MPP4: variants seen among roughly 807,000 people sequenced by gnomAD.
The protein encoded by MPP4 is MAGUK p55 subfamily member 4.
A neutral mutation model predicts 98.3 loss-of-function variants in MPP4; 91 were observed. The observed-to-expected ratio is 0.93, with a 90% CI of 0.78 to 1.10. MPP4 has a LOEUF of 1.10. MPP4 is among the 50% of genes least tolerant of loss of function. MPP4 has a pLI of 0.00. For synonymous variants in MPP4, 261 were observed against 271.8 expected, an observed-to-expected ratio of 0.96 and a Z score of 0.39; for missense variants, 744 against 792.9, an observed-to-expected ratio of 0.94 and a Z score of 0.74.
In MPP4 at chr2:201,685,085, C is replaced by T. The variant is rs904142488; in HGVS notation, c.553G>A (p.Gly185Ser). 1.1e-5 allele frequency: 18 copies of T among 1,611,840 alleles called. No individual in the cohort carries two copies. In the Admixed American group the frequency reaches 1.5e-4, roughly 13 times the overall value. The stretch of plus-strand genomic sequence containing the variant: ...TTACCACTTCTCTCCGCCAGCCCAC[C>T]GTGGATGATCCTGGCCACCAAGATG... The part of the protein sequence containing the change: ...GDILVARIIH[G>S]GLAERSGLLY... Residue 185 changes from glycine (G) to serine (S), a missense_variant, in exon 7 of 22, where the codon GGT becomes AGT. Gly to Ser is a moderately conservative substitution (Grantham distance 56, BLOSUM62 0). Transcript: ENST00000409474.
At chr2:201,669,121 TGAGA>T (rs35543688) in intron 12 of MPP4, among the ~76,000 whole-genome samples, 1,712 of 100,744 alleles carry the variant, frequency 0.017, 42 homozygotes, top group East Asian at 0.14. Flanking sequence ...TGTGTGTGTG[TGAGA>T]GAGAGAGAGA....
At chr2:201,652,234 A>G (rs1005949904) in intron 18 of MPP4, among the ~76,000 whole-genome samples, 3 of 152,062 alleles carry the variant, frequency 2.0e-5, no homozygotes, top group African/African-American at 4.8e-5. Context: ...TGAGGTGGGC[A>G]GATCACTTGA....
chr2:201,675,757 A>G (rs867856658), intron 10 of MPP4, among the ~76,000 whole-genome samples: 1 of 152,058 alleles, frequency 6.6e-6, no homozygotes, highest in Middle Eastern at 3.4e-3. Flanking sequence ...GGCACCTGAA[A>G]CCTCTGTTGA....
chr2:201,669,986 G>A (rs562764671), intron 11 of MPP4, among the ~76,000 whole-genome samples: 14 of 152,282 alleles, frequency 9.2e-5, no homozygotes, highest in Admixed American at 3.9e-4. Flanking sequence ...CTTGCTTCTG[G>A]TAAATCCCGC....
Position 201,650,197 on chromosome 2 carries a change from G to A in MPP4, c.1382-32C>T, listed in dbSNP as rs1265556281. On this transcript the variant is annotated intron_variant, in intron 18 of 21. Transcript: ENST00000409474. ...GAAAAAGGGAATGAAAGGTTTCAGT[G>A]TCTTCAGAATTCTTTGATTACCAAT... is the stretch of plus-strand genomic sequence containing the variant. 6 of 1,540,612 alleles carry A rather than the reference G, an allele frequency of 3.9e-6. No homozygotes were observed. The Admixed American group carries it at 1.1e-4, about 27-fold the overall frequency.
intron 21 of MPP4, among the ~76,000 whole-genome samples, chr2:201,645,857 CAT>C (rs1470538287): frequency 6.6e-6 from 1 of 152,152 alleles, no homozygotes; most frequent in Non-Finnish European, 1.5e-5. Flanking sequence ...CAGGTATAAA[CAT>C]ATCCTTCTAA....
chr2:201,678,141 A>G (rs2105935580), intron 10 of MPP4, among the ~76,000 whole-genome samples: 1 of 152,194 alleles, frequency 6.6e-6, no homozygotes, highest in South Asian at 2.1e-4. Context: ...CAGCATGAGA[A>G]CTTCCTATCA....
intron 11 of MPP4, among the ~76,000 whole-genome samples, chr2:201,672,104 G>A (rs982900775): frequency 4.6e-5 from 7 of 152,078 alleles, no homozygotes; most frequent in African/African-American, 9.7e-5. Context: ...ACTCAAAACC[G>A]TACAACTACA....
intron 12 of MPP4, among the ~76,000 whole-genome samples, chr2:201,669,524 T>C (rs1688279059): frequency 7.0e-6 from 1 of 141,978 alleles, no homozygotes; most frequent in Admixed American, 7.4e-5. Context: ...ATACTTTGCA[T>C]GCATATCTTT....
chr2:201,685,010 G>A (rs1362090508), intron 7 of MPP4, 54 bp downstream of exon 7: 2 of 1,413,740 alleles, frequency 1.4e-6, no homozygotes, highest in African/African-American at 1.4e-5. Flanking sequence ...AGCCTAAACA[G>A]TCAAGGGTTT....
At chr2:201,693,109 C>T (rs1574640503) in intron 2 of MPP4, 80 bp from the exon 3 acceptor site, 2 of 1,498,710 alleles carry the variant, frequency 1.3e-6, no homozygotes, top group African/African-American at 1.4e-5. Flanking sequence ...TGGGGCATGC[C>T]ATGGGGTCTC....
intron 15 of MPP4, among the ~76,000 whole-genome samples, chr2:201,659,800 C>T (rs1395516272): frequency 1.3e-5 from 2 of 152,220 alleles, no homozygotes; most frequent in African/African-American, 4.8e-5. Flanking sequence ...TACCACTGCA[C>T]TCCAGTCTGG....
rs1407190180 is a variant in MPP4, at chr2:201,656,088, T to TG, written c.1300+109dup. The TG allele has an allele frequency of 4.1e-6, 5 of 1,213,222 alleles. 1 individual carries two copies. The East Asian group carries it at 1.3e-4, about 32-fold the overall frequency. The allele number at this position is 1,213,222 out of a possible 1,614,324, so 75.2% of individuals were successfully genotyped here. Reference sequence around the variant, plus strand: ...TTGTTTTTTAAAAAAGGTATTTGTATGGGGGTCCATAAAGAGTTCTACTTT... The same window carrying TG: ...TTGTTTTTTAAAAAAGGTATTTGTATGGGGGGTCCATAAAGAGTTCTACTTT... On this transcript the variant is annotated intron_variant, in intron 17 of 21. Coordinates refer to ENST00000409474, the MANE Select transcript of MPP4 (RefSeq NM_033066.3).
In MPP4 at chr2:201,656,235, T is replaced by C; in HGVS notation, c.1263A>G (p.Arg421=). 3 of 1,604,956 alleles carry C rather than the reference T, an allele frequency of 1.9e-6. No homozygotes were observed. Among genetic ancestry groups the C allele is most frequent in the East Asian group, 2.2e-5 (1 of 44,620 alleles). Residue 421 remains arginine (R), a synonymous_variant, in exon 17 of 22, where the codon CGA becomes CGG. Transcript: ENST00000409474. ...APYEEVVRYQ[R]RPSDKYRLIV... is the part of the protein sequence containing the mutation. ...TGAGGCGGTACTTGTCTGAAGGGCGTCGCTGGTACCTCACCACCTCCTCGT... is the reference window on the plus strand; with the variant it reads ...TGAGGCGGTACTTGTCTGAAGGGCGCCGCTGGTACCTCACCACCTCCTCGT...
Position 201,690,189 on chromosome 2 carries a change from A to C in MPP4, c.279+13T>G. 1.3e-6 allele frequency: 2 copies of C among 1,588,232 alleles called. No homozygotes were observed. The highest frequency in any genetic ancestry group is 1.7e-6 in the Non-Finnish European group (2 of 1,161,160). ...TCAGAGCTCTACTATCCTGTGGAAT[A>C]AAATCTCCTTACCTCATAGGATAAC... On this transcript the variant is annotated intron_variant, in intron 4 of 21. Coordinates refer to ENST00000409474, the MANE Select transcript of MPP4 (RefSeq NM_033066.3).
rs571590550 is a variant in MPP4 at position 201,692,990 on chromosome 2, C to T, written c.119G>A (p.Ser40Asn). The change falls in exon 3 of 22, where the codon AGT becomes AAT. Residue 40 changes from serine (S) to asparagine (N), a missense_variant. Physicochemically the swap from Ser to Asn is conservative, Grantham distance 46 (BLOSUM62 1). Transcript: ENST00000409474. ...ATTCACATCTCTGCCGTAGAACAGA[C>T]TCAGCTCTTGCAGCACAAGCCTCAG... Reference protein sequence around the residue: ...QILRLVLQELSLFYGRDVNGV... With the variant: ...QILRLVLQELNLFYGRDVNGV... 6.2e-7 allele frequency: 1 copy of T among 1,613,166 alleles called. No homozygotes were observed. Among genetic ancestry groups the T allele is most frequent in the Non-Finnish European group, 8.5e-7 (1 of 1,179,580 alleles).
At chr2:201,650,507 C>T in intron 18 of MPP4, 1 of 985,386 alleles carries the variant, frequency 1.0e-6, no homozygotes, top group Non-Finnish European at 1.2e-6. Flanking sequence ...GGTAGCAATA[C>T]CAATAATATC....
chr2:201,666,031 G>C (rs1226930718), intron 13 of MPP4: 2 of 237,546 alleles, frequency 8.4e-6, no homozygotes, highest in East Asian at 8.1e-5. Flanking sequence ...ATTTCACAAA[G>C]AGCAGAGGTT....
chr2:201,676,939 C>T lies in MPP4; in HGVS notation c.930-1668G>A, dbSNP rs144097139. On this transcript the variant is annotated intron_variant, in intron 10 of 21. Transcript: ENST00000409474. ...TTAAAAAGTAAGGCTTCTTCCCTTC[C>T]TTCTGCTCAGTTTCTTGTGCATTCT... 9.8e-5 allele frequency among the ~76,000 whole-genome samples: 15 copies of T among 152,322 alleles called. No homozygotes were observed. In the East Asian group the frequency reaches 2.7e-3, roughly 27 times the overall value.
Sources: gnomAD v4.1 joint callset for allele counts (sites outside exome capture counted in the v4.1 genomes callset) on GRCh38, gnomAD v4.1.1 for gene constraint, MANE v1.5 for transcripts, NCBI Gene and HGNC (gene_info 2026-07-23, HGNC 2026-07-21) for gene names.